The following PGAP4 variants were observed in gnomAD, a reference collection of about 807,000 sequenced individuals.
The protein encoded by PGAP4 is post-GPI attachment to proteins GalNAc transferase 4, also known as GPI-N-acetylgalactosamine transferase PGAP4.
In PGAP4, 12 loss-of-function variants were observed where a neutral mutation model predicts 28.2. That is an observed-to-expected ratio of 0.42 (90% confidence interval 0.27 to 0.69). The LOEUF (loss-of-function observed/expected upper bound fraction) is 0.69, where lower values mean the gene tolerates loss of function less well. Among genes scored for constraint, PGAP4 ranks in the 30% least tolerant of loss-of-function variants. The pLI is 0.22. For missense variants in PGAP4, 425 were observed against 513.5 expected (o/e 0.83, Z 1.67); for synonymous variants, 205 against 211.8 (o/e 0.97, Z 0.28).
At chr9:101,525,677 C>T (rs1346990666) in intron 2 of PGAP4, among the ~76,000 whole-genome samples, 1 of 138,758 alleles carries the variant, frequency 7.2e-6, no homozygotes, top group African/African-American at 2.7e-5. Context: ...CATTGCACTC[C>T]AGCCTCGGCA....
rs555974758 is a variant in PGAP4, at chr9:101,529,042, G to A, written c.-165+2306C>T. Reference sequence around the variant, plus strand: ...CTCCTACTTATAAGTGAGTACGTGCGGTTGTCTGTTCCTGTGTTAGTTTGC... The same window carrying A: ...CTCCTACTTATAAGTGAGTACGTGCAGTTGTCTGTTCCTGTGTTAGTTTGC... On this transcript the variant is annotated intron_variant, in intron 2 of 3. Coordinates refer to the PGAP4 transcript ENST00000374851. 2.1e-4 allele frequency among the ~76,000 whole-genome samples: 32 copies of A among 151,728 alleles called. No individual in the cohort carries two copies. In the South Asian group the frequency reaches 3.1e-3, roughly 15 times the overall value.
intron 2 of PGAP4, among the ~76,000 whole-genome samples, chr9:101,528,794 GTT>G (rs201196657): frequency 2.4e-4 from 33 of 140,202 alleles, no homozygotes; most frequent in Admixed American, 5.7e-4. Flanking sequence ...ACACTTCTTA[GTT>G]TTTTTTTTTT....
chr9:101,473,430 AC>A lies in PGAP4; in HGVS notation c.*2450del, dbSNP rs538907376. 5.9e-5 allele frequency: 9 copies of A among 152,366 alleles called. No homozygotes were observed. The East Asian group carries it at 1.7e-3, about 29-fold the overall frequency. 9.4% of individuals were successfully genotyped at this position (152,366 alleles called of 1,614,324 possible). ...CAGCTGCCCTAATCAAGGACAATAC[AC>A]AAAAATTAGACTCCTTATAAGAATA... On this transcript the variant is annotated 3_prime_UTR_variant, in exon 2 of 2. Coordinates refer to ENST00000374848, the MANE Select transcript of PGAP4 (RefSeq NM_032342.3).
chr9:101,508,126 GTTTT>G (rs199835888), intron 2 of PGAP4, among the ~76,000 whole-genome samples: 3,351 of 127,704 alleles, frequency 0.026, 49 homozygotes, highest in South Asian at 0.071. Context: ...CTTTTTGAGT[GTTTT>G]TTTTTTTTTT....
At chr9:101,525,750 T>C (rs996375650) in intron 2 of PGAP4, among the ~76,000 whole-genome samples, 12 of 150,338 alleles carry the variant, frequency 8.0e-5, no homozygotes, top group African/African-American at 2.9e-4. Context: ...ATAAATGTTA[T>C]GCATATATTC....
At chr9:101,508,396 G>A (rs76305430) in intron 2 of PGAP4, among the ~76,000 whole-genome samples, 10,879 of 152,042 alleles carry the variant, frequency 0.072, 450 homozygotes, top group East Asian at 0.15. Flanking sequence ...CTGCAGGCAC[G>A]TCAATAAAAT....
In PGAP4 at chr9:101,477,061, A is replaced by G. The variant is rs1386066902; in HGVS notation, c.32T>C (p.Leu11Pro). The change falls in exon 2 of 2, where the codon CTC becomes CCC. Residue 11 changes from leucine (L) to proline (P), a missense_variant. Leu to Pro is a moderately conservative substitution (Grantham distance 98). Coordinates refer to ENST00000374848, the MANE Select transcript of PGAP4 (RefSeq NM_032342.3). ...GGAGAGTCGCCGCAGCCTCCGGAGGAGCATGGCAGCTGGAGAGGTTGAAGT... is the reference window on the plus strand; with the variant it reads ...GGAGAGTCGCCGCAGCCTCCGGAGGGGCATGGCAGCTGGAGAGGTTGAAGT... Reference protein sequence around the residue: MSTSTSPAAMLLRRLRRLSWG... With the variant: MSTSTSPAAMPLRRLRRLSWG... 1.2e-6 allele frequency: 2 copies of G among 1,602,114 alleles called. No homozygotes were observed. The highest frequency in any genetic ancestry group is 1.3e-5 in the African/African-American group (1 of 74,588).
intron 2 of PGAP4, among the ~76,000 whole-genome samples, chr9:101,493,807 C>A (rs771804435): frequency 3.3e-5 from 5 of 151,920 alleles, no homozygotes; most frequent in Admixed American, 6.6e-5. Context: ...TCTTAAAATC[C>A]ATTTAGTTTT....
At chr9:101,526,416 C>T (rs927138604) in intron 2 of PGAP4, among the ~76,000 whole-genome samples, 1 of 152,024 alleles carries the variant, frequency 6.6e-6, no homozygotes, top group African/African-American at 2.4e-5. Flanking sequence ...TCTCTATTAC[C>T]CTGGCATCCA....
At chr9:101,477,253 C>T (rs1826354418) in intron 1 of PGAP4, 84 bp from the exon 2 acceptor site, 8 of 1,028,500 alleles carry the variant, frequency 7.8e-6, no homozygotes, top group Admixed American at 3.5e-5. Context: ...AGGACAAGAA[C>T]TGAGCTCAGC....
rs1444810329 is a variant in PGAP4, at chr9:101,496,494, C to A, written c.-164-7294G>T. Among the ~76,000 whole-genome samples, 11 of 151,298 alleles carry A rather than the reference C, an allele frequency of 7.3e-5. No individual in the cohort carries two copies. In the South Asian group the frequency reaches 1.2e-3, roughly 17 times the overall value. On this transcript the variant is annotated intron_variant, in intron 2 of 3. Transcript: ENST00000374851. ...AACGTTATTGTTTCAATGTAGAAGA[C>A]CATAATTTTTAGTTTTGTATTAGTG...
intron 1 of PGAP4, chr9:101,531,621 C>T (rs1181851705): frequency 2.6e-5 from 4 of 152,188 alleles, no homozygotes; most frequent in African/African-American, 9.6e-5. Context: ...ATTAAAGTGT[C>T]AATTGCTGAC....
At chr9:101,499,906 C>T (rs1826782547) in intron 2 of PGAP4, among the ~76,000 whole-genome samples, 1 of 151,930 alleles carries the variant, frequency 6.6e-6, no homozygotes, top group Admixed American at 6.6e-5. Flanking sequence ...TTTGTAAGCA[C>T]AAAGACATTC....
chr9:101,478,692 T>C (rs537338032), intron 1 of PGAP4, among the ~76,000 whole-genome samples: 17 of 152,330 alleles, frequency 1.1e-4, no homozygotes, highest in African/African-American at 4.1e-4. Context: ...TGGAGAGCCC[T>C]GGTGGATCTA....
chr9:101,484,650 C>T (rs1475228625), intron 1 of PGAP4, among the ~76,000 whole-genome samples: 3 of 152,164 alleles, frequency 2.0e-5, no homozygotes, highest in Admixed American at 6.5e-5. Context: ...TGCTTTCTCA[C>T]ATGTAAACCG....
At chr9:101,525,017 C>T (rs535267545) in intron 2 of PGAP4, among the ~76,000 whole-genome samples, 1 of 152,310 alleles carries the variant, frequency 6.6e-6, no homozygotes, top group African/African-American at 2.4e-5. Context: ...GTCCTTCGTT[C>T]ATGAGCACTT....
chr9:101,483,208 A>G (rs1442989695), intron 1 of PGAP4, among the ~76,000 whole-genome samples: 1 of 152,210 alleles, frequency 6.6e-6, no homozygotes, highest in Admixed American at 6.5e-5. Context: ...ATGCTTGTTA[A>G]GCAAATAATT....
intron 2 of PGAP4, among the ~76,000 whole-genome samples, chr9:101,495,162 T>A (rs1373221698): frequency 9.1e-6 from 1 of 110,068 alleles, no homozygotes; most frequent in East Asian, 2.3e-4. Flanking sequence ...ATTATATATT[T>A]TATATATATT....
exon 1 of PGAP4, chr9:101,532,775 AG>A (rs1209223541): frequency 6.6e-6 from 1 of 152,220 alleles, no homozygotes; most frequent in East Asian, 1.9e-4. Flanking sequence ...GCCAGGCACC[AG>A]GAACACTTGT....
Sources: gnomAD v4.1 joint callset for allele counts (sites outside exome capture counted in the v4.1 genomes callset) on GRCh38, gnomAD v4.1.1 for gene constraint, MANE v1.5 for transcripts, NCBI Gene and HGNC (gene_info 2026-07-23, HGNC 2026-07-21) for gene names.